The following PCDH15 variants were observed in gnomAD, a reference collection of about 807,000 sequenced individuals.
PCDH15 encodes protocadherin related 15, also known as protocadherin-15.
A neutral mutation model predicts 178.5 loss-of-function variants in PCDH15; 129 were observed. The observed-to-expected ratio is 0.72, with a 90% confidence interval of 0.63 to 0.84. PCDH15 has a LOEUF of 0.84. Ranked by LOEUF, PCDH15 falls within the 40% of genes least tolerant of loss-of-function variation. The pLI is 0.00. For missense variants in PCDH15, 2,230 were observed against 2,099.9 expected, an observed-to-expected ratio of 1.06 and a Z score of -1.21; for synonymous variants, 800 against 732.0, an observed-to-expected ratio of 1.09 and a Z score of -1.50.
At chr10:54,296,144 C>CAAAAAAAAAAAAAAAA (rs59721161) in intron 8 of PCDH15, among the ~76,000 whole-genome samples, 20 of 48,218 alleles carry the variant, frequency 4.1e-4, no homozygotes, top group African/African-American at 1.0e-3. Context: ...GACTCCGTCT[C>CAAAAAAAAAAAAAAAA]AAAAAAAAAA....
intron 2 of PCDH15, among the ~76,000 whole-genome samples, chr10:54,655,252 AAGAAAGAGAGAGAGAG>A (rs59458586): frequency 0.033 from 1,529 of 46,348 alleles, 43 homozygotes; most frequent in African/African-American, 0.09. Context: ...GAAAGAAAGA[AAGAAAGAGAGAGAGAG>A]AGAGAGAGAG....
chr10:55,023,498 T>C (rs2131957440), intron 2 of PCDH15, among the ~76,000 whole-genome samples: 2 of 152,258 alleles, frequency 1.3e-5, no homozygotes, highest in East Asian at 3.9e-4. Context: ...AAGCATGAAT[T>C]TTTAAAAGAT....
At chr10:54,934,141 A>C (rs1214244630) in intron 2 of PCDH15, among the ~76,000 whole-genome samples, 2 of 152,172 alleles carry the variant, frequency 1.3e-5, no homozygotes, top group African/African-American at 4.8e-5. Flanking sequence ...GTGATTTGAA[A>C]TCTATAGTGT....
intron 2 of PCDH15, among the ~76,000 whole-genome samples, chr10:55,476,664 T>C (rs969129275): frequency 7.9e-5 from 12 of 152,040 alleles, no homozygotes; most frequent in African/African-American, 2.9e-4. Context: ...TGGATTGATA[T>C]ATTGTTTGGC....
chr10:54,659,883 A>G (rs1185755248), intron 2 of PCDH15, among the ~76,000 whole-genome samples: 3 of 152,180 alleles, frequency 2.0e-5, no homozygotes, highest in Non-Finnish European at 4.4e-5. Context: ...AAAAGTTGAA[A>G]TAAATAAAAA....
intron 20 of PCDH15, among the ~76,000 whole-genome samples, chr10:53,996,956 C>G (rs988422873): frequency 5.9e-5 from 9 of 152,020 alleles, no homozygotes; most frequent in Non-Finnish European, 1.2e-4. Context: ...TTTTCCTGTA[C>G]AGTATTAAGC....
At chr10:54,600,678 G>T in intron 2 of PCDH15, 1 of 569,690 alleles carries the variant, frequency 1.8e-6, no homozygotes, top group South Asian at 1.4e-5. Flanking sequence ...CACCCAGAGT[G>T]ACTAAGATTT....
At chr10:54,181,353 T>C (rs1033203959) in intron 13 of PCDH15, among the ~76,000 whole-genome samples, 8 of 152,288 alleles carry the variant, frequency 5.3e-5, no homozygotes, top group African/African-American at 1.7e-4. Flanking sequence ...CAAATAAGCA[T>C]TTATTAAGTA....
intron 3 of PCDH15, among the ~76,000 whole-genome samples, chr10:54,385,718 C>T (rs187464726): frequency 6.6e-6 from 1 of 152,188 alleles, no homozygotes; most frequent in Admixed American, 6.5e-5. Flanking sequence ...AGTCATATTC[C>T]TTTTCAATAG....
intron 2 of PCDH15, among the ~76,000 whole-genome samples, chr10:54,556,668 T>C (rs1352225566): frequency 2.6e-5 from 4 of 151,042 alleles, no homozygotes; most frequent in Non-Finnish European, 5.9e-5. Flanking sequence ...TTTTTTTTTT[T>C]CAGTGAGAGC....
intron 1 of PCDH15, among the ~76,000 whole-genome samples, chr10:55,189,119 C>G (rs925054266): frequency 1.3e-5 from 2 of 151,784 alleles, no homozygotes; most frequent in African/African-American, 4.8e-5. Flanking sequence ...TTCATGGCTA[C>G]ACAAGGAGCA....
At chr10:55,292,020 T>G (rs1398377867) in intron 1 of PCDH15, among the ~76,000 whole-genome samples, 1 of 152,110 alleles carries the variant, frequency 6.6e-6, no homozygotes, top group East Asian at 1.9e-4. Flanking sequence ...AAGATAAGAT[T>G]TGGGCAGGAA....
chr10:54,853,297 A>G (rs940522378), intron 3 of PCDH15, among the ~76,000 whole-genome samples: 16 of 103,186 alleles, frequency 1.6e-4, no homozygotes, highest in Non-Finnish European at 2.7e-4. Context: ...GTGTATATAT[A>G]TATATATATA....
intron 13 of PCDH15, among the ~76,000 whole-genome samples, chr10:54,158,426 A>G (rs1177559923): frequency 6.6e-6 from 1 of 152,184 alleles, no homozygotes; most frequent in Admixed American, 6.5e-5. Context: ...CCCATGATTC[A>G]ATTACCTCCC....
rs1839167661 is a variant in PCDH15, at chr10:55,440,849, G to A, written c.-156+186776C>T. Among the ~76,000 whole-genome samples, 3 of 152,102 alleles carry A rather than the reference G, an allele frequency of 2.0e-5. No individual in the cohort carries two copies. The South Asian group carries it at 6.2e-4, about 32-fold the overall frequency. ...CTCACAGCCATGGCGGAAGACAAAA[G>A]GCACATCTCACAAGGTTCCAGACAA... On this transcript the variant is annotated intron_variant, in intron 2 of 5. Coordinates refer to the PCDH15 transcript ENST00000613346.
chr10:54,907,983 G>C (rs1344273162), intron 2 of PCDH15, among the ~76,000 whole-genome samples: 3 of 152,136 alleles, frequency 2.0e-5, no homozygotes, highest in African/African-American at 7.2e-5. Context: ...ATATTCTGCT[G>C]GGAGAAACCC....
chr10:54,767,166 T>G (rs1948615396), intron 1 of PCDH15, among the ~76,000 whole-genome samples: 1 of 152,008 alleles, frequency 6.6e-6, no homozygotes, highest in Admixed American at 6.6e-5. Context: ...GGCTCAAAAT[T>G]TATTACGAGT....
In PCDH15 at chr10:53,838,263, C is replaced by A. The variant is rs2077429889; in HGVS notation, c.3983+2057G>T. Among the ~76,000 whole-genome samples, 5 of 152,114 alleles carry A rather than the reference C, an allele frequency of 3.3e-5. No homozygotes were observed. The South Asian group carries it at 1.0e-3, about 32-fold the overall frequency. On this transcript the variant is annotated intron_variant, in intron 29 of 37. Coordinates refer to ENST00000644397, the MANE Select transcript of PCDH15 (RefSeq NM_001384140.1). ...GTGCTGGGATTACAGGCGTGAGCTA[C>A]CGCGCCCGGCCAAAAATTTATTTTA...
At chr10:54,746,728 A>G (rs1462290539) in intron 1 of PCDH15, among the ~76,000 whole-genome samples, 1 of 152,154 alleles carries the variant, frequency 6.6e-6, no homozygotes, top group Non-Finnish European at 1.5e-5. Context: ...CCCCAGGACC[A>G]CTCTAAAGTT....
Sources: allele counts gnomAD v4.1 joint callset (sites outside exome capture counted in the v4.1 genomes callset), GRCh38; gene constraint gnomAD v4.1.1; transcripts MANE v1.5; gene names NCBI Gene and HGNC (gene_info 2026-07-23, HGNC 2026-07-21).